CHN2: variants seen among roughly 807,000 people sequenced by gnomAD.
CHN2 encodes the protein beta-chimaerin.
Under a neutral mutation model 56.3 loss-of-function variants are expected in CHN2, and 35 were observed. That is an observed-to-expected ratio of 0.62 (90% CI 0.47 to 0.82). The LOEUF (loss-of-function observed/expected upper bound fraction) is 0.82. CHN2 is among the 40% of genes least tolerant of loss of function. The pLI is 0.00. For synonymous variants in CHN2, 210 were observed against 212.8 expected, an observed-to-expected ratio of 0.99 and a Z score of 0.12; for missense variants, 491 against 580.5, an observed-to-expected ratio of 0.85 and a Z score of 1.58.
rs1367479315 is a variant in CHN2, at chr7:29,445,416, A to C, written c.577-34863A>C. The stretch of plus-strand genomic sequence containing the variant: ...CTGGCCACCAAAAATGTGTTGGTAC[A>C]TGTAGATTTTTTATTACCATGATTT... On this transcript the variant is annotated intron_variant, in intron 6 of 12. Coordinates refer to ENST00000222792, the MANE Select transcript of CHN2 (RefSeq NM_004067.4). 3.3e-5 allele frequency among the ~76,000 whole-genome samples: 5 copies of C among 152,308 alleles called. No homozygotes were observed. The East Asian group carries it at 7.7e-4, about 24-fold the overall frequency.
At chr7:29,233,295 CA>C (rs1217419799) in intron 1 of CHN2, among the ~76,000 whole-genome samples, 1 of 152,224 alleles carries the variant, frequency 6.6e-6, no homozygotes, top group African/African-American at 2.4e-5. Context: ...TGGAGTGGCA[CA>C]CAGCAAATGC....
chr7:29,148,569 CAG>C (rs1234138219), intron 2 of CHN2: 8 of 152,164 alleles, frequency 5.3e-5, no homozygotes, highest in African/African-American at 1.9e-4. Flanking sequence ...ATAATTAAAA[CAG>C]AGTCAAAAGA....
chr7:29,354,972 A>ATTTATTTATTTT (rs1455708835), intron 2 of CHN2, among the ~76,000 whole-genome samples: 3 of 135,208 alleles, frequency 2.2e-5, no homozygotes, highest in Admixed American at 7.6e-5. Flanking sequence ...TTATTTATTT[A>ATTTATTTATTTT]TTTTTTATTT....
intron 1 of CHN2, among the ~76,000 whole-genome samples, chr7:29,267,645 A>G (rs976535343): frequency 1.3e-5 from 2 of 152,200 alleles, no homozygotes; most frequent in Non-Finnish European, 2.9e-5. Flanking sequence ...AGAACAAGGC[A>G]CTAATACCCT....
chr7:29,162,615 C>A (rs1013915909), intron 2 of CHN2, among the ~76,000 whole-genome samples: 79 of 147,208 alleles, frequency 5.4e-4, no homozygotes, highest in African/African-American at 1.8e-3. Context: ...GAGCCGAGAT[C>A]GTGCCATTGC....
intron 1 of CHN2, among the ~76,000 whole-genome samples, chr7:29,326,765 C>A (rs1043837292): frequency 2.6e-5 from 4 of 152,182 alleles, no homozygotes; most frequent in African/African-American, 4.8e-5. Flanking sequence ...GAGCAGGGAT[C>A]AGACTTGTCA....
At chr7:29,459,564 A>G (rs1351029732) in intron 6 of CHN2, among the ~76,000 whole-genome samples, 1 of 152,168 alleles carries the variant, frequency 6.6e-6, no homozygotes, top group African/African-American at 2.4e-5. Flanking sequence ...CATCTGTTTC[A>G]TTGTCCAGGG....
intron 1 of CHN2, among the ~76,000 whole-genome samples, chr7:29,211,265 A>C (rs1784923470): frequency 1.3e-5 from 2 of 150,218 alleles, no homozygotes; most frequent in Admixed American, 6.6e-5. Context: ...TTTTTAGTAG[A>C]GATGGGGTTT....
intron 1 of CHN2, among the ~76,000 whole-genome samples, chr7:29,353,776 A>G (rs1196872815): frequency 6.6e-6 from 1 of 152,212 alleles, no homozygotes; most frequent in Non-Finnish European, 1.5e-5. Context: ...GAGAACTCTC[A>G]AGGTTCCCTC....
chr7:29,445,076 GC>G (rs1783933605), intron 6 of CHN2: 1 of 454,428 alleles, frequency 2.2e-6, no homozygotes, highest in Non-Finnish European at 4.4e-6. Flanking sequence ...GTTGGTCCCA[GC>G]TGGTATGTTT....
chr7:29,313,191 G>C (rs764307269), intron 1 of CHN2, among the ~76,000 whole-genome samples: 1 of 151,982 alleles, frequency 6.6e-6, no homozygotes, highest in African/African-American at 2.4e-5. Flanking sequence ...CCCATGACCC[G>C]CCCAATGCCA....
At chr7:29,506,875 C>A (rs1418316148) in intron 10 of CHN2, among the ~76,000 whole-genome samples, 1 of 152,182 alleles carries the variant, frequency 6.6e-6, no homozygotes, top group Non-Finnish European at 1.5e-5. Flanking sequence ...ATTAGAGCTT[C>A]TTGATGTTCT....
At chr7:29,149,189 CTTTTT>C (rs60520174) in intron 2 of CHN2, among the ~76,000 whole-genome samples, 1 of 100,338 alleles carries the variant, frequency 1.0e-5, no homozygotes, top group Non-Finnish European at 1.8e-5. Flanking sequence ...GTCTGTTTCC[CTTTTT>C]TTTTTTTTTT....
At chr7:29,293,968 G>A (rs1217448530) in intron 1 of CHN2, among the ~76,000 whole-genome samples, 1 of 143,404 alleles carries the variant, frequency 7.0e-6, no homozygotes, top group Admixed American at 7.4e-5. Context: ...CCGGGTTCAC[G>A]CCATTCTCCT....
rs759575449 is a variant in CHN2, at chr7:29,500,022, C to T, written c.895C>T (p.Arg299Trp). The T allele has an allele frequency of 1.2e-5, 19 of 1,546,628 alleles. No individual in the cohort carries two copies. Among genetic ancestry groups the T allele is most frequent in the South Asian group, 3.6e-5 (3 of 82,364 alleles). The change falls in exon 9 of 13, where the codon CGG becomes TGG. Residue 299 changes from arginine (R) to tryptophan (W), a missense_variant. Transcript: ENST00000222792. The part of the protein sequence containing the change: ...QRPMVVDICI[R>W]EIEARGLKSE... Reference sequence around the variant, plus strand: ...ACCCATGGTGGTAGACATATGCATTCGGGAAATTGAAGCAAGAGGTTTGGA... The same window carrying T: ...ACCCATGGTGGTAGACATATGCATTTGGGAAATTGAAGCAAGAGGTTTGGA...
intron 9 of CHN2, among the ~76,000 whole-genome samples, chr7:29,501,551 C>T (rs967458368): frequency 2.6e-5 from 4 of 152,170 alleles, no homozygotes; most frequent in African/African-American, 9.7e-5. Flanking sequence ...ACTGACATGT[C>T]TAACATTTAA....
chr7:29,169,862 G>A (rs1226029944), intron 2 of CHN2, among the ~76,000 whole-genome samples: 2 of 129,220 alleles, frequency 1.5e-5, no homozygotes, highest in African/African-American at 6.1e-5. Context: ...GTATATATAC[G>A]TGTGTGTGTG....
At chr7:29,437,652 C>A (rs979883803) in intron 6 of CHN2, among the ~76,000 whole-genome samples, 3 of 151,012 alleles carry the variant, frequency 2.0e-5, no homozygotes, top group African/African-American at 4.8e-5. Flanking sequence ...CCTTAAGAAT[C>A]CAAAAGCAGC....
At chr7:29,207,864 G>A (rs564964695) in intron 1 of CHN2, among the ~76,000 whole-genome samples, 125 of 152,196 alleles carry the variant, frequency 8.2e-4, no homozygotes, top group Admixed American at 1.2e-3. Flanking sequence ...AATTTTACAC[G>A]CTTGTAGCTG....
Sources: allele counts gnomAD v4.1 joint callset (sites outside exome capture counted in the v4.1 genomes callset), GRCh38; gene constraint gnomAD v4.1.1; transcripts MANE v1.5; gene names NCBI Gene and HGNC (gene_info 2026-07-23, HGNC 2026-07-21).